SUV39H2: variants seen among roughly 807,000 people sequenced by gnomAD.
The protein encoded by SUV39H2 is SUV39H2 histone lysine methyltransferase.
Under a neutral mutation model 47.5 loss-of-function variants are expected in SUV39H2, and 10 were observed. The ratio of observed to expected loss-of-function variants is 0.21; its 90% confidence interval spans 0.13 to 0.36. SUV39H2 has a LOEUF of 0.36. SUV39H2 is among the 10% of genes least tolerant of loss of function. The pLI is 1.00. For missense variants in SUV39H2, 266 were observed against 487.4 expected, an observed-to-expected ratio of 0.55 and a Z score of 4.28; for synonymous variants, 159 against 166.8, an observed-to-expected ratio of 0.95 and a Z score of 0.36.
intron 2 of SUV39H2, among the ~76,000 whole-genome samples, chr10:14,894,662 C>CATTTTTTAAGAGAAGAAAACTTTT (rs1833507500): frequency 3.5e-5 from 2 of 57,466 alleles, no homozygotes; most frequent in Non-Finnish European, 2.9e-5. Flanking sequence ...CCACCGCGCC[C>CATTTTTTAAGAGAAGAAAACTTTT]GGCCGCAAAG....
intron 3 of SUV39H2, 52 bp from the exon 4 acceptor site, chr10:14,899,487 T>C: frequency 1.3e-6 from 2 of 1,589,286 alleles, no homozygotes; most frequent in Non-Finnish European, 1.7e-6. Context: ...GGTAGATGAA[T>C]GCTTCTTTGG....
rs1225483910 is a variant in SUV39H2 at position 14,879,074 on chromosome 10, T to G, written c.31+155T>G. The G allele has an allele frequency of 2.3e-6, 3 of 1,299,268 alleles. No homozygotes were observed. In the African/African-American group the frequency reaches 4.7e-5, roughly 20 times the overall value. The allele number at this position is 1,299,268 out of a possible 1,614,324, so 80.5% of individuals were successfully genotyped here. ...CCGGGACGCACGCTGCGGACGCCTA[T>G]CCTCCCCCAGGCCGCTGACCCGCCT... On this transcript the variant is annotated intron_variant, in intron 1 of 5. Transcript: ENST00000354919.
At chr10:14,879,467 AGG>A in intron 1 of SUV39H2, among the ~76,000 whole-genome samples, 1 of 152,288 alleles carries the variant, frequency 6.6e-6, no homozygotes, top group East Asian at 1.9e-4. Context: ...ACACGCTAGG[AGG>A]TTGAGTGCCT....
chr10:14,883,790 C>G (rs1464909088), intron 2 of SUV39H2, among the ~76,000 whole-genome samples: 2 of 150,818 alleles, frequency 1.3e-5, no homozygotes, highest in Non-Finnish European at 2.9e-5. Context: ...TTCATTATCC[C>G]AAAAAGAAAC....
rs1434118656 is a variant in SUV39H2 at position 14,904,296 on chromosome 10, C to G, written c.*1784C>G. 3.0e-5 allele frequency: 4 copies of G among 134,436 alleles called. No homozygotes were observed. The highest frequency in any genetic ancestry group is 1.1e-4 in the African/African-American group (4 of 35,308). 8.3% of individuals were successfully genotyped at this position (134,436 alleles called of 1,614,324 possible). ...CTGCAGCCTGAGTGACACAGTAAGA[C>G]TGTCTCCAAAAAAAAAAAATTTTTT... On this transcript the variant is annotated 3_prime_UTR_variant, in exon 6 of 6. Coordinates refer to ENST00000354919, the MANE Select transcript of SUV39H2 (RefSeq NM_001193424.2).
At chr10:14,886,525 G>A (rs964418210) in intron 2 of SUV39H2, among the ~76,000 whole-genome samples, 2 of 152,186 alleles carry the variant, frequency 1.3e-5, no homozygotes, top group African/African-American at 4.8e-5. Context: ...CATGGTCATT[G>A]AATTGAATTG....
intron 1 of SUV39H2, among the ~76,000 whole-genome samples, chr10:14,879,406 G>A (rs1283853875): frequency 6.6e-6 from 1 of 152,234 alleles, no homozygotes; most frequent in Non-Finnish European, 1.5e-5. Context: ...AGTAAATCGG[G>A]GCGCCTGTGT....
chr10:14,883,532 C>G (rs1833107395), intron 2 of SUV39H2, among the ~76,000 whole-genome samples: 2 of 151,586 alleles, frequency 1.3e-5, no homozygotes, highest in South Asian at 4.2e-4. Context: ...TAGTGAAACC[C>G]CGTCTCTACT....
chr10:14,884,903 C>G lies in SUV39H2; in HGVS notation c.177+3258C>G, dbSNP rs1216229478. On this transcript the variant is annotated intron_variant, in intron 2 of 5. Coordinates refer to ENST00000354919, the MANE Select transcript of SUV39H2 (RefSeq NM_001193424.2). Reference sequence around the variant, plus strand: ...TACTATTCTTACAGGGTGTTACTAGCATTAAATGAGTTAACATAGATAGAA... The same window carrying G: ...TACTATTCTTACAGGGTGTTACTAGGATTAAATGAGTTAACATAGATAGAA... 3.3e-5 allele frequency among the ~76,000 whole-genome samples: 5 copies of G among 152,164 alleles called. No individual in the cohort carries two copies. In the East Asian group the frequency reaches 9.6e-4, roughly 29 times the overall value.
chr10:14,895,185 T>A (rs1833529002), intron 2 of SUV39H2, among the ~76,000 whole-genome samples: 1 of 151,624 alleles, frequency 6.6e-6, no homozygotes, highest in African/African-American at 2.4e-5. Flanking sequence ...CTTTTATTTT[T>A]TTTTTTTTTG....
rs201406856 is a variant in SUV39H2, at chr10:14,899,699, C to A, written c.996+14C>A. On this transcript the variant is annotated intron_variant, in intron 4 of 5. Coordinates refer to ENST00000354919, the MANE Select transcript of SUV39H2 (RefSeq NM_001193424.2). ...GTGAATCACAGCGTAAGAAGACATA[C>A]GTAAATTTTAGACACGACTAACAAT... 2.3e-4 allele frequency: 367 copies of A among 1,612,214 alleles called. 3 individuals are homozygous for A. In the South Asian group the frequency reaches 3.9e-3, roughly 17 times the overall value.
chr10:14,898,190 G>T (rs1833725776), intron 3 of SUV39H2: 1 of 136,686 alleles, frequency 7.3e-6, no homozygotes, highest in South Asian at 2.3e-4. Flanking sequence ...ACTCAGTGAG[G>T]TAGTACTGTT....
At chr10:14,879,578 G>A (rs1832980319) in intron 1 of SUV39H2, among the ~76,000 whole-genome samples, 1 of 152,214 alleles carries the variant, frequency 6.6e-6, no homozygotes, top group South Asian at 2.1e-4. Flanking sequence ...TTCTGTGGAC[G>A]CTGGGGAATT....
At chr10:14,889,689 G>T (rs994327998) in intron 2 of SUV39H2, among the ~76,000 whole-genome samples, 2 of 152,332 alleles carry the variant, frequency 1.3e-5, no homozygotes, top group Middle Eastern at 3.4e-3. Flanking sequence ...GGAGGTAGGG[G>T]TGGGAACCTT....
At chr10:14,900,981 A>G in intron 4 of SUV39H2, 152 bp from the exon 5 acceptor site, 1 of 902,446 alleles carries the variant, frequency 1.1e-6, no homozygotes. Flanking sequence ...ATCTTTTTAA[A>G]TGTGCATGCC....
chr10:14,886,303 C>T (rs1307519596), intron 2 of SUV39H2, among the ~76,000 whole-genome samples: 1 of 152,208 alleles, frequency 6.6e-6, no homozygotes, highest in Admixed American at 6.5e-5. Context: ...GCATAGGTCA[C>T]CACCTATTGT....
chr10:14,892,881 T>G (rs911672566), intron 2 of SUV39H2, among the ~76,000 whole-genome samples: 5 of 151,460 alleles, frequency 3.3e-5, no homozygotes, highest in African/African-American at 1.2e-4. Context: ...GTGCAGTGGC[T>G]TGATCTCAGC....
chr10:14,896,135 G>T (rs1024829771), intron 2 of SUV39H2, among the ~76,000 whole-genome samples: 1 of 151,948 alleles, frequency 6.6e-6, no homozygotes, highest in Non-Finnish European at 1.5e-5. Context: ...TAAAGATGGG[G>T]TTTTCCCATG....
rs1834161396 is a variant in SUV39H2, at chr10:14,903,562, T to A, written c.*1050T>A. On this transcript the variant is annotated 3_prime_UTR_variant, in exon 6 of 6. Coordinates refer to ENST00000354919, the MANE Select transcript of SUV39H2 (RefSeq NM_001193424.2). ...TACTTGTTTTATACATAAATTTTTT[T>A]TAGATGTGATAAAGCTAAACTTGGC... The A allele has an allele frequency of 6.6e-6, 1 of 152,214 alleles. No individual in the cohort carries two copies. The highest frequency in any genetic ancestry group is 1.5e-5 in the Non-Finnish European group (1 of 68,040). The allele number at this position is 152,214 out of a possible 1,614,324, so 9.4% of individuals were successfully genotyped here. A position where few individuals can be genotyped will look rare whatever the true frequency, so the allele number is the denominator to read the frequency against.
Sources: allele counts gnomAD v4.1 joint callset (sites outside exome capture counted in the v4.1 genomes callset), GRCh38; gene constraint gnomAD v4.1.1; transcripts MANE v1.5; gene names NCBI Gene and HGNC (gene_info 2026-07-23, HGNC 2026-07-21).